The following SLC4A9 variants were observed in gnomAD, a reference collection of about 807,000 sequenced individuals.
SLC4A9 encodes the protein solute carrier family 4 member 9.
A neutral mutation model predicts 103.2 loss-of-function variants in SLC4A9; 102 were observed. That is an observed-to-expected ratio of 0.99 (90% CI 0.84 to 1.17). The LOEUF (loss-of-function observed/expected upper bound fraction) is 1.17, where lower values mean the gene tolerates loss of function less well. SLC4A9 is among the 50% of genes most tolerant of loss of function. The pLI is 0.00. For synonymous variants in SLC4A9, 453 were observed against 483.6 expected (o/e 0.94, Z 0.83); for missense variants, 1,091 against 1,193.7 (o/e 0.91, Z 1.27).
rs200068878 is a variant in SLC4A9 at position 140,366,217 on chromosome 5, T to C, written c.1966T>C (p.Phe656Leu). Residue 656 changes from phenylalanine to leucine, a missense_variant, in exon 14 of 22, where the codon TTC becomes CTC. Phe to Leu is a conservative substitution (Grantham distance 22). Coordinates refer to ENST00000506757, the MANE Select transcript of SLC4A9 (RefSeq NM_031467.3). The part of the protein sequence containing the change: ...AILLGCGLDA[F>L]LGLATPKLMV... Reference sequence around the variant, plus strand: ...CCTGCTCGGCTGTGGCCTTGATGCTTTCCTGGGCCTAGCCACACCAAAGCT... The same window carrying C: ...CCTGCTCGGCTGTGGCCTTGATGCTCTCCTGGGCCTAGCCACACCAAAGCT... The C allele has an allele frequency of 6.2e-7, 1 of 1,607,516 alleles. No homozygotes were observed. Among genetic ancestry groups the C allele is most frequent in the Non-Finnish European group, 8.5e-7 (1 of 1,176,736 alleles).
chr5:140,361,484 C>T lies in SLC4A9; in HGVS notation c.505+117C>T. 3 of 810,060 alleles carry T rather than the reference C, an allele frequency of 3.7e-6. No individual in the cohort carries two copies. The South Asian group carries it at 5.4e-5, about 14-fold the overall frequency. 50.2% of individuals were successfully genotyped at this position (810,060 alleles called of 1,614,324 possible). A position where few individuals can be genotyped will look rare whatever the true frequency, so the allele number is the denominator to read the frequency against. On this transcript the variant is annotated intron_variant, in intron 3 of 21. Transcript: ENST00000506757. ...GCTTAGTTCAGGCTCCAACCCAGGA[C>T]TCATGAGCAAGAGGAAACTGGTGGT...
At chr5:140,365,731 C>G in intron 12 of SLC4A9, 103 bp from the exon 13 acceptor site, 1 of 1,430,698 alleles carries the variant, frequency 7.0e-7, no homozygotes. Flanking sequence ...CCATCCTGGG[C>G]CCCTGGTGTC....
intron 6 of SLC4A9, 80 bp downstream of exon 6, chr5:140,362,612 G>T: frequency 7.3e-7 from 1 of 1,362,104 alleles, no homozygotes; most frequent in Non-Finnish European, 1.1e-6. Flanking sequence ...ACATGCATGG[G>T]CTCATGTGAG....
rs772317574 is a variant in SLC4A9, at chr5:140,360,284, T to C, written c.48T>C (p.Ala16=). The change falls in exon 1 of 22, where the codon GCT becomes GCC. Residue 16 remains alanine, a synonymous_variant. Coordinates refer to ENST00000506757, the MANE Select transcript of SLC4A9 (RefSeq NM_031467.3). The part of the protein sequence containing the change: ...PGQEGFEASS[A]PRNIPSGELD... ...AGGAAGGGTTTGAAGCCTCCAGTGC[T>C]CCTAGAAATATTCCTTCAGGGGAGC... The C allele has an allele frequency of 6.8e-6, 11 of 1,612,304 alleles. No homozygotes were observed. The South Asian group carries it at 1.2e-4, about 18-fold the overall frequency.
chr5:140,374,550 C>CAAAA (rs70988749), intron 21 of SLC4A9, among the ~76,000 whole-genome samples: 20 of 47,648 alleles, frequency 4.2e-4, no homozygotes, highest in East Asian at 1.5e-3. Flanking sequence ...AACTCCCTCT[C>CAAAA]AAAAAAAAAA....
intron 14 of SLC4A9, 72 bp from the exon 15 acceptor site, chr5:140,367,348 A>T: frequency 6.6e-7 from 1 of 1,525,838 alleles, no homozygotes; most frequent in Non-Finnish European, 8.8e-7. Context: ...GAAGAATGCC[A>T]AGGTTGAGAT....
At chr5:140,366,318 AC>A in intron 14 of SLC4A9, 54 bp downstream of exon 14, 1 of 1,261,154 alleles carries the variant, frequency 7.9e-7, no homozygotes, top group Non-Finnish European at 1.1e-6. Flanking sequence ...GGGCCAGCAG[AC>A]CATGGGGAAG....
At chr5:140,360,998 G>A (rs767724367) in intron 2 of SLC4A9, 26 bp downstream of exon 2, 18 of 1,533,770 alleles carry the variant, frequency 1.2e-5, no homozygotes, top group Middle Eastern at 2.2e-4. Context: ...TTGCAGGAAG[G>A]GCCTGGGTAG....
chr5:140,366,407 CAGGGTTGTCATG>C (rs1366411828), intron 14 of SLC4A9, 143 bp downstream of exon 14: 2 of 635,326 alleles, frequency 3.1e-6, no homozygotes, highest in Non-Finnish European at 5.4e-6. Flanking sequence ...AATGGCCTCA[CAGGGTTGTCATG>C]AGGATTAAAT....
chr5:140,367,847 G>A lies in SLC4A9; in HGVS notation c.2303G>A (p.Arg768Lys), dbSNP rs1157399295. 1 of 1,614,006 alleles carries A rather than the reference G, an allele frequency of 6.2e-7. No individual in the cohort carries two copies. The change falls in exon 16 of 22, where the codon AGA becomes AAA. Residue 768 changes from arginine (R) to lysine (K), a missense_variant. Coordinates refer to ENST00000506757, the MANE Select transcript of SLC4A9 (RefSeq NM_031467.3). The part of the protein sequence containing the change: ...ISLAHMDSLR[R>K]ESRACAPGER... Reference sequence around the variant, plus strand: ...CTGGCTCACATGGACAGTCTTCGGAGAGAGAGCAGAGCCTGTGCCCCCGGG... The same window carrying A: ...CTGGCTCACATGGACAGTCTTCGGAAAGAGAGCAGAGCCTGTGCCCCCGGG...
In SLC4A9 at chr5:140,365,845, G is replaced by A. The variant is rs766627018; in HGVS notation, c.1722G>A (p.Leu574=). 1 of 1,613,686 alleles carries A rather than the reference G, an allele frequency of 6.2e-7. No homozygotes were observed. The highest frequency in any genetic ancestry group is 1.1e-5 in the South Asian group (1 of 91,060). ...CCTCCTGTGTACAGGACTTAGGCCT[G>A]ATCAATGCATCCTTGCTGCCGCCAC... ...RDDIVSMDLG[L]INASLLPPPE... The change falls in exon 13 of 22, where the codon CTG becomes CTA. Residue 574 remains leucine, a synonymous_variant. Transcript: ENST00000506757.
At chr5:140,364,289 G>A (rs1561588248) in intron 10 of SLC4A9, 74 bp from the exon 11 acceptor site, 3 of 1,598,032 alleles carry the variant, frequency 1.9e-6, no homozygotes, top group Non-Finnish European at 2.6e-6. Flanking sequence ...TTTGGGTTGA[G>A]GGACACCTGA....
At chr5:140,366,426 A>ACAG in intron 14 of SLC4A9, among the ~76,000 whole-genome samples, 162 bp downstream of exon 14, 1 of 152,224 alleles carries the variant, frequency 6.6e-6, no homozygotes, top group Admixed American at 6.5e-5. Context: ...CATGAGGATT[A>ACAG]AATGAAGTAC....
intron 11 of SLC4A9, among the ~76,000 whole-genome samples, chr5:140,364,958 G>T (rs907449850): frequency 6.6e-6 from 1 of 152,198 alleles, no homozygotes; most frequent in Non-Finnish European, 1.5e-5. Context: ...GGGGAGTAGA[G>T]CTAAATACAT....
rs760017770 is a variant in SLC4A9 at position 140,362,436 on chromosome 5, C to T, written c.720-9C>T. Reference sequence around the variant, plus strand: ...CCTGTGAATCTCTGGGGCCTGGTTCCTTCCTCAGGTTTTTCTGCCTTCTCC... The same window carrying T: ...CCTGTGAATCTCTGGGGCCTGGTTCTTTCCTCAGGTTTTTCTGCCTTCTCC... On this transcript the variant is annotated splice_polypyrimidine_tract_variant and intron_variant, in intron 5 of 21. Coordinates refer to ENST00000506757, the MANE Select transcript of SLC4A9 (RefSeq NM_031467.3). The T allele has an allele frequency of 1.2e-5, 20 of 1,613,618 alleles. No individual in the cohort carries two copies. The highest frequency in any genetic ancestry group is 5.3e-5 in the African/African-American group (4 of 74,890).
Position 140,364,426 on chromosome 5 carries a change from C to T in SLC4A9, c.1452C>T (p.Cys484=). 6.2e-7 allele frequency: 1 copy of T among 1,613,694 alleles called. No individual in the cohort carries two copies. The highest frequency in any genetic ancestry group is 8.5e-7 in the Non-Finnish European group (1 of 1,179,808). ...LWVGIWVATF[C]LVLVATEASV... is the part of the protein sequence containing the mutation. ...TGGGCATCTGGGTGGCTACCTTTTG[C>T]CTGGTGCTGGTGGCCACAGAGGCCA... Residue 484 remains cysteine (C), a synonymous_variant, in exon 11 of 22, where the codon TGC becomes TGT. Coordinates refer to ENST00000506757, the MANE Select transcript of SLC4A9 (RefSeq NM_031467.3).
chr5:140,365,225 G>C (rs1767702139), intron 11 of SLC4A9, among the ~76,000 whole-genome samples: 1 of 152,202 alleles, frequency 6.6e-6, no homozygotes, highest in Admixed American at 6.5e-5. Context: ...ACCAGTTCTA[G>C]CCCTGGTGGA....
In SLC4A9 at chr5:140,361,846, G is replaced by GC. The variant is rs747776691; in HGVS notation, c.550dup (p.Leu184ProfsTer18). 2 of 1,613,984 alleles carry GC rather than the reference G, an allele frequency of 1.2e-6. No individual in the cohort carries two copies. The highest frequency in any genetic ancestry group is 1.3e-5 in the African/African-American group (1 of 75,054). Reference sequence around the variant, plus strand: ...AAGAAAGGCTTCTGACAATGAGGAAGCCCCCCTGAGGGAACAGGTTTGTGG... The same window carrying GC: ...AAGAAAGGCTTCTGACAATGAGGAAGCCCCCCCTGAGGGAACAGGTTTGTGG... On this transcript the variant is annotated frameshift_variant, in exon 4 of 22. Coordinates refer to ENST00000506757, the MANE Select transcript of SLC4A9 (RefSeq NM_031467.3). LOFTEE classifies it high-confidence loss of function.
At position 140,363,314 on chromosome 5, in the gene SLC4A9, T is replaced by C. The variant is rs533437133; in HGVS notation, c.963-125T>C. 7.1e-6 allele frequency: 7 copies of C among 984,252 alleles called. No individual in the cohort carries two copies. In the South Asian group the frequency reaches 1.1e-4, roughly 16 times the overall value. The allele number at this position is 984,252 out of a possible 1,614,324, so 61.0% of individuals were successfully genotyped here. Reference sequence around the variant, plus strand: ...CCTGGACCTTCTAGAGGCCCAGGTGTCGCCATGGTTCCCTCGCCGGCAGAG... The same window carrying C: ...CCTGGACCTTCTAGAGGCCCAGGTGCCGCCATGGTTCCCTCGCCGGCAGAG... On this transcript the variant is annotated intron_variant, in intron 7 of 21. Transcript: ENST00000506757. The surrounding 1 kb of genome is among the most constrained non-coding windows in gnomAD (Gnocchi z 4.5).
Sources: gnomAD v4.1 joint callset for allele counts (sites outside exome capture counted in the v4.1 genomes callset) on GRCh38, gnomAD v4.1.1 for gene constraint, Gnocchi (gnomAD v3.1) non-coding constraint, MANE v1.5 for transcripts, NCBI Gene and HGNC (gene_info 2026-07-23, HGNC 2026-07-21) for gene names.